DLG2: variants seen among roughly 807,000 people sequenced by gnomAD.
The protein encoded by DLG2 is discs large MAGUK scaffold protein 2, also known as disks large homolog 2.
In DLG2, 45 loss-of-function variants were observed where a neutral mutation model predicts 132.5. The observed-to-expected ratio is 0.34, with a 90% CI of 0.27 to 0.44. The LOEUF (loss-of-function observed/expected upper bound fraction) is 0.44, where lower values mean the gene tolerates loss of function less well. Ranked by LOEUF, DLG2 falls within the 20% of genes least tolerant of loss-of-function variation. DLG2 has a pLI of 1.00. For missense variants in DLG2, 1,045 were observed against 1,196.9 expected, an observed-to-expected ratio of 0.87 and a Z score of 1.87; for synonymous variants, 424 against 419.6, an observed-to-expected ratio of 1.01 and a Z score of -0.13.
At position 84,239,916 on chromosome 11, in the gene DLG2, A is replaced by T. The variant is rs983248287; in HGVS notation, c.573+11322T>A. Among the ~76,000 whole-genome samples the T allele has an allele frequency of 4.5e-4, 68 of 152,296 alleles. 1 individual carries two copies. The highest frequency in any genetic ancestry group is 1.4e-3 in the African/African-American group (60 of 41,566). ...TACTACTAACATGTTGTGTGGTAGA[A>T]ACCGCTGCTTCTCCCCAATATTCAT... On this transcript the variant is annotated intron_variant, in intron 8 of 27. Coordinates refer to ENST00000376104, the MANE Select transcript of DLG2 (RefSeq NM_001142699.3).
chr11:83,685,120 T>C (rs2079514267), intron 18 of DLG2, among the ~76,000 whole-genome samples: 1 of 152,176 alleles, frequency 6.6e-6, no homozygotes, highest in Admixed American at 6.5e-5. Flanking sequence ...TGTACTATTA[T>C]CTTTACCGTA....
intron 19 of DLG2, among the ~76,000 whole-genome samples, chr11:83,607,449 A>G (rs1310965052): frequency 6.6e-6 from 1 of 152,200 alleles, no homozygotes; most frequent in Non-Finnish European, 1.5e-5. Context: ...CCCAGTACCC[A>G]CTGTCCCCGC....
intron 5 of DLG2, among the ~76,000 whole-genome samples, chr11:85,122,405 A>T (rs889018758): frequency 2.0e-5 from 3 of 152,200 alleles, no homozygotes; most frequent in Admixed American, 2.0e-4. Flanking sequence ...AAACAGGCAC[A>T]ACGAAGAAAC....
chr11:85,557,656 C>A (rs910775169), intron 3 of DLG2, among the ~76,000 whole-genome samples: 1 of 151,770 alleles, frequency 6.6e-6, no homozygotes, highest in African/African-American at 2.4e-5. Context: ...AGCCACATAC[C>A]TGCAGCCTTC....
intron 6 of DLG2, among the ~76,000 whole-genome samples, chr11:85,074,603 C>A (rs1219001889): frequency 1.3e-5 from 2 of 151,812 alleles, no homozygotes; most frequent in African/African-American, 2.4e-5. Flanking sequence ...TTTCTGTTAA[C>A]AGTAGAAGAA....
At chr11:83,728,590 C>T (rs1220840030) in intron 18 of DLG2, among the ~76,000 whole-genome samples, 1 of 152,192 alleles carries the variant, frequency 6.6e-6, no homozygotes, top group African/African-American at 2.4e-5. Context: ...CCTTGCTTGG[C>T]TGAAGGTTCC....
At chr11:83,493,965 A>G (rs940716402) in intron 21 of DLG2, among the ~76,000 whole-genome samples, 2 of 152,114 alleles carry the variant, frequency 1.3e-5, no homozygotes, top group South Asian at 2.1e-4. Context: ...GTGTTAAGCA[A>G]TAAAGCCAAG....
chr11:83,718,089 G>A (rs1330865456), intron 18 of DLG2, among the ~76,000 whole-genome samples: 3 of 152,132 alleles, frequency 2.0e-5, no homozygotes, highest in East Asian at 1.9e-4. Flanking sequence ...ACATGCTTTT[G>A]GGAGAAAAGA....
chr11:84,118,135 G>A (rs1208415698), intron 9 of DLG2, among the ~76,000 whole-genome samples: 2 of 152,142 alleles, frequency 1.3e-5, no homozygotes, highest in African/African-American at 4.8e-5. Flanking sequence ...GGGATTACAA[G>A]CATGAGCCAC....
intron 6 of DLG2, among the ~76,000 whole-genome samples, chr11:84,667,181 T>C (rs1481517772): frequency 6.6e-6 from 1 of 152,206 alleles, no homozygotes; most frequent in Non-Finnish European, 1.5e-5. Flanking sequence ...AATGTATTTC[T>C]AAATTCTAAC....
chr11:85,482,090 C>T (rs1034837566), intron 3 of DLG2, among the ~76,000 whole-genome samples: 1 of 152,056 alleles, frequency 6.6e-6, no homozygotes, highest in Non-Finnish European at 1.5e-5. Context: ...GCCAGGCCAG[C>T]CCCTGTGGCC....
intron 6 of DLG2, among the ~76,000 whole-genome samples, chr11:84,872,836 AT>A (rs1297407189): frequency 6.6e-6 from 1 of 152,226 alleles, no homozygotes; most frequent in Non-Finnish European, 1.5e-5. Flanking sequence ...TGGAAACTTA[AT>A]TAAAGACACT....
At chr11:84,183,155 A>T (rs2096186297) in intron 8 of DLG2, among the ~76,000 whole-genome samples, 1 of 152,220 alleles carries the variant, frequency 6.6e-6, no homozygotes, top group African/African-American at 2.4e-5. Context: ...GAATCCTAAC[A>T]ATCATTTCAT....
At chr11:84,517,133 A>C (rs1021966191) in intron 7 of DLG2, among the ~76,000 whole-genome samples, 1 of 151,036 alleles carries the variant, frequency 6.6e-6, no homozygotes, top group Admixed American at 6.6e-5. Context: ...CACAGGAAAA[A>C]AAAGCAAAAA....
chr11:84,616,878 A>G (rs1030046637), intron 6 of DLG2, among the ~76,000 whole-genome samples: 3 of 152,092 alleles, frequency 2.0e-5, no homozygotes, highest in South Asian at 2.1e-4. Context: ...CATTTTTCCA[A>G]TGGGTAAACT....
At chr11:84,154,330 C>T (rs916263171) in intron 9 of DLG2, among the ~76,000 whole-genome samples, 3 of 152,168 alleles carry the variant, frequency 2.0e-5, no homozygotes, top group African/African-American at 7.2e-5. Context: ...GTAATACATG[C>T]TTATTCTAAC....
At position 85,464,221 on chromosome 11, in the gene DLG2, C is replaced by A. The variant is rs115372804; in HGVS notation, c.40+134436G>T. On this transcript the variant is annotated intron_variant, in intron 3 of 27. Transcript: ENST00000376104. ...TAAAATATTCTATGCATTTTGTAAT[C>A]ACCAGATGGATTCTTCCTGCCTGCT... Among the ~76,000 whole-genome samples the A allele has an allele frequency of 1.8e-3, 267 of 152,252 alleles. 1 individual carries two copies. The highest frequency in any genetic ancestry group is 6.2e-3 in the African/African-American group (259 of 41,552).
intron 14 of DLG2, among the ~76,000 whole-genome samples, chr11:83,932,481 G>T (rs1299732400): frequency 1.3e-5 from 2 of 152,132 alleles, no homozygotes; most frequent in Non-Finnish European, 2.9e-5. Flanking sequence ...TGATCTGCCT[G>T]CCTCTGCCTC....
intron 7 of DLG2, among the ~76,000 whole-genome samples, chr11:84,523,275 T>G (rs573588074): frequency 1.3e-5 from 2 of 152,316 alleles, no homozygotes; most frequent in Middle Eastern, 3.4e-3. Flanking sequence ...TCAAGTAATC[T>G]TTACAGCATG....
Sources: allele counts gnomAD v4.1 joint callset (sites outside exome capture counted in the v4.1 genomes callset), GRCh38; gene constraint gnomAD v4.1.1; transcripts MANE v1.5; gene names NCBI Gene and HGNC (gene_info 2026-07-23, HGNC 2026-07-21).